Variants in BRAF observed in about 807,000 individuals in gnomAD.
BRAF encodes B-Raf proto-oncogene, serine/threonine kinase.
Under a neutral mutation model 104.6 loss-of-function variants are expected in BRAF, and 16 were observed. That is an observed-to-expected ratio of 0.15 (90% CI 0.10 to 0.23). The LOEUF is 0.23. BRAF is among the 10% of genes least tolerant of loss of function. BRAF has a pLI of 1.00. For missense variants in BRAF, 541 were observed against 937.3 expected (o/e 0.58, Z 5.52); for synonymous variants, 310 against 341.6 (o/e 0.91, Z 1.02).
chr7:140,886,495 A>G (rs1813576919), intron 1 of BRAF, among the ~76,000 whole-genome samples: 1 of 152,230 alleles, frequency 6.6e-6, no homozygotes, highest in Non-Finnish European at 1.5e-5. Context: ...CTCATCAGGC[A>G]CTATTCATTC....
At chr7:140,909,475 TATA>T (rs1372788034) in intron 1 of BRAF, among the ~76,000 whole-genome samples, 1 of 152,150 alleles carries the variant, frequency 6.6e-6, no homozygotes, top group Non-Finnish European at 1.5e-5. Context: ...AGTGCAATTT[TATA>T]ATATTTAGGC....
chr7:140,762,196 A>C (rs532026710), intron 14 of BRAF, among the ~76,000 whole-genome samples: 1 of 152,348 alleles, frequency 6.6e-6, no homozygotes, highest in Non-Finnish European at 1.5e-5. Flanking sequence ...TGTGTCTCAG[A>C]CCACAGTGCA....
intron 3 of BRAF, among the ~76,000 whole-genome samples, chr7:140,819,379 T>C (rs1805228048): frequency 1.3e-5 from 2 of 152,058 alleles, no homozygotes; most frequent in Non-Finnish European, 2.9e-5. Flanking sequence ...AGACAAATAA[T>C]AAACAAGTTT....
intron 14 of BRAF, among the ~76,000 whole-genome samples, chr7:140,762,835 T>A (rs1471644847): frequency 6.6e-6 from 1 of 152,206 alleles, no homozygotes; most frequent in Non-Finnish European, 1.5e-5. Context: ...CCTTCAAGCA[T>A]CTGTTTAACA....
Position 140,908,893 on chromosome 7 carries a change from C to T in BRAF, c.138+15673G>A, listed in dbSNP as rs140525743. Among the ~76,000 whole-genome samples, 498 of 138,180 alleles carry T rather than the reference C, an allele frequency of 3.6e-3. 9 individuals are homozygous for T. Among genetic ancestry groups the T allele is most frequent in the African/African-American group, 0.012 (474 of 39,968 alleles). The allele number at this position is 138,180 out of a possible 152,430, so 90.7% of individuals were successfully genotyped here. On this transcript the variant is annotated intron_variant, in intron 1 of 19. Coordinates refer to ENST00000644969, the MANE Select transcript of BRAF (RefSeq NM_001374258.1). ...GCAACTGCCTTTAGGGCAAAAGCTA[C>T]TTCATCCACTTATTTATTTGGATTC...
chr7:140,876,841 G>A (rs1812316901), intron 1 of BRAF, among the ~76,000 whole-genome samples: 2 of 151,974 alleles, frequency 1.3e-5, no homozygotes, highest in Admixed American at 1.3e-4. Flanking sequence ...CTGAATACAT[G>A]TTCTTGTCAA....
At chr7:140,888,740 C>A (rs918730927) in intron 1 of BRAF, among the ~76,000 whole-genome samples, 4 of 151,742 alleles carry the variant, frequency 2.6e-5, no homozygotes, top group Non-Finnish European at 5.9e-5. Flanking sequence ...GAGGCTGTGG[C>A]AAGAGAATCG....
chr7:140,750,879 C>T (rs892735650), intron 16 of BRAF, among the ~76,000 whole-genome samples: 4 of 151,900 alleles, frequency 2.6e-5, no homozygotes, highest in East Asian at 1.9e-4. Context: ...AAATGCATGA[C>T]GAATCTTCAA....
chr7:140,749,501 T>C, intron 16 of BRAF, 83 bp from the exon 16 acceptor site: 1 of 1,439,108 alleles, frequency 6.9e-7, no homozygotes. Context: ...CCTAGAGCAA[T>C]GCTTTTACCA....
chr7:140,728,772 C>T (rs1446830380), intron 19 of BRAF, among the ~76,000 whole-genome samples: 1 of 151,474 alleles, frequency 6.6e-6, no homozygotes, highest in Non-Finnish European at 1.5e-5. Context: ...ATGTATCTAG[C>T]CAAATCAAAT....
At chr7:140,871,424 GAGA>G (rs957640613) in intron 1 of BRAF, among the ~76,000 whole-genome samples, 1 of 152,122 alleles carries the variant, frequency 6.6e-6, no homozygotes, top group Non-Finnish European at 1.5e-5. Context: ...TACACATATT[GAGA>G]AGAAGTACCC....
At chr7:140,827,316 G>A (rs1015984915) in intron 3 of BRAF, among the ~76,000 whole-genome samples, 53 of 152,220 alleles carry the variant, frequency 3.5e-4, no homozygotes, top group African/African-American at 1.2e-3. Flanking sequence ...AGACCTAGAC[G>A]GGCTGAGGGA....
rs1420563868 is a variant in BRAF, at chr7:140,785,759, A to G, written c.1227T>C (p.Thr409=). ...MRCLRKYQSR[T]PSPLLHSVPS... ...GGACAGAATGTAGGAGGGGACTGGG[A>G]GTCCGGGATTGGTATTTCCGAAGAC... The change falls in exon 10 of 20, where the codon ACT becomes ACC. Residue 409 remains threonine, a synonymous_variant. Transcript: ENST00000644969. The G allele has an allele frequency of 5.0e-6, 2 of 398,948 alleles. No homozygotes were observed. The highest frequency in any genetic ancestry group is 2.1e-5 in the African/African-American group (1 of 48,638). The allele number at this position is 398,948 out of a possible 1,614,324, so 24.7% of individuals were successfully genotyped here. A position where few individuals can be genotyped will look rare whatever the true frequency, so the allele number is the denominator to read the frequency against.
chr7:140,744,643 T>C (rs552935744), intron 17 of BRAF, among the ~76,000 whole-genome samples: 1 of 152,286 alleles, frequency 6.6e-6, no homozygotes, highest in South Asian at 2.1e-4. Flanking sequence ...TATTTACCTC[T>C]TTAAAAATGA....
intron 1 of BRAF, among the ~76,000 whole-genome samples, chr7:140,892,531 A>G (rs1016709361): frequency 2.0e-5 from 3 of 152,272 alleles, no homozygotes; most frequent in Non-Finnish European, 2.9e-5. Flanking sequence ...AAAGTTTCCC[A>G]AAATTGTAAA....
intron 2 of BRAF, among the ~76,000 whole-genome samples, chr7:140,837,180 A>T (rs556548093): frequency 7.8e-4 from 119 of 152,172 alleles, no homozygotes; most frequent in Non-Finnish European, 7.4e-5. Flanking sequence ...AACTTCAATT[A>T]CTCTTTTAAC....
chr7:140,920,677 T>G (rs1818117343), intron 1 of BRAF, among the ~76,000 whole-genome samples: 1 of 152,244 alleles, frequency 6.6e-6, no homozygotes, highest in African/African-American at 2.4e-5. Flanking sequence ...ACTGACAGTT[T>G]ATTCCTTTAA....
Position 140,724,041 on chromosome 7 carries a change from C to CTAA in BRAF, c.*2450_*2452dup. 1.9e-6 allele frequency: 2 copies of CTAA among 1,046,906 alleles called. No individual in the cohort carries two copies. Among genetic ancestry groups the CTAA allele is most frequent in the Non-Finnish European group, 2.3e-6 (2 of 867,734 alleles). 64.9% of individuals were successfully genotyped at this position (1,046,906 alleles called of 1,614,324 possible). On this transcript the variant is annotated 3_prime_UTR_variant, in exon 20 of 20. Coordinates refer to ENST00000644969, the MANE Select transcript of BRAF (RefSeq NM_001374258.1). ...AGGTATCTATAAAAATCTCAATATGCTAAGCCTGGCTCCTGGGCACAGCTT... is the reference window on the plus strand; with the variant it reads ...AGGTATCTATAAAAATCTCAATATGCTAATAAGCCTGGCTCCTGGGCACAGCTT...
At chr7:140,833,211 T>C (rs796642431) in intron 3 of BRAF, among the ~76,000 whole-genome samples, 19 of 152,110 alleles carry the variant, frequency 1.2e-4, no homozygotes, top group African/African-American at 4.6e-4. Context: ...AATCATTAGG[T>C]TGAGAAATTT....
Sources: allele counts gnomAD v4.1 joint callset (sites outside exome capture counted in the v4.1 genomes callset), GRCh38; gene constraint gnomAD v4.1.1; transcripts MANE v1.5; gene names NCBI Gene and HGNC (gene_info 2026-07-23, HGNC 2026-07-21).